RP1: variants seen among roughly 807,000 people sequenced by gnomAD.
RP1 encodes the protein oxygen-regulated protein 1.
In RP1, 16 loss-of-function variants were observed where a neutral mutation model predicts 14.8. That is an observed-to-expected ratio of 1.08 (90% CI 0.73 to 1.65). The LOEUF (loss-of-function observed/expected upper bound fraction) is 1.65, where lower values mean the gene tolerates loss of function less well. RP1 is among the 40% of genes most tolerant of loss of function. RP1 has a pLI of 0.00. For synonymous variants in RP1, 876 were observed against 883.6 expected, an observed-to-expected ratio of 0.99 and a Z score of 0.15; for missense variants, 2,631 against 2,535.0, an observed-to-expected ratio of 1.04 and a Z score of -0.81.
At chr8:54,766,617 A>AT (rs2129372744) in intron 22 of RP1, among the ~76,000 whole-genome samples, 1 of 152,328 alleles carries the variant, frequency 6.6e-6, no homozygotes, top group South Asian at 2.1e-4. Context: ...TGTGCCAAAT[A>AT]TAAAATATAT....
At chr8:54,830,992 C>G (rs935245560) in intron 24 of RP1, among the ~76,000 whole-genome samples, 1 of 152,036 alleles carries the variant, frequency 6.6e-6, no homozygotes, top group Non-Finnish European at 1.5e-5. Context: ...CCCTTAGCAT[C>G]ATGTTTTTTG....
chr8:54,616,079 A>T (rs971284710), upstream of RP1: 2 of 152,248 alleles, frequency 1.3e-5, no homozygotes, highest in African/African-American at 4.8e-5. Context: ...CATACTGAGA[A>T]TAAATCCAAA....
chr8:54,600,806 T>A (rs746459834), intron 1 of RP1, among the ~76,000 whole-genome samples: 1 of 152,210 alleles, frequency 6.6e-6, no homozygotes, highest in Admixed American at 6.5e-5. Flanking sequence ...GTGACTTTCA[T>A]TGGAGCATTT....
intron 3 of RP1, among the ~76,000 whole-genome samples, chr8:54,646,587 C>T (rs1056849680): frequency 1.3e-5 from 2 of 152,104 alleles, no homozygotes; most frequent in African/African-American, 2.4e-5. Context: ...GATGAATCTT[C>T]GTTCATGATC....
At chr8:54,606,688 C>A (rs866742731) in intron 1 of RP1, among the ~76,000 whole-genome samples, 2 of 152,190 alleles carry the variant, frequency 1.3e-5, no homozygotes, top group African/African-American at 4.8e-5. Context: ...ACCAATCAGA[C>A]GTAGATTTGG....
chr8:54,643,265 GT>G (rs1235730188), intron 3 of RP1, among the ~76,000 whole-genome samples: 3 of 152,116 alleles, frequency 2.0e-5, no homozygotes, highest in Non-Finnish European at 4.4e-5. Flanking sequence ...AATGTGATGA[GT>G]TTTAACAGTT....
intron 12 of RP1, among the ~76,000 whole-genome samples, chr8:54,695,003 G>C (rs1363846557): frequency 6.6e-6 from 1 of 152,062 alleles, no homozygotes; most frequent in Non-Finnish European, 1.5e-5. Flanking sequence ...GTGTCCCAGA[G>C]ATTCTGGTAT....
At chr8:54,773,536 C>T (rs976296553), downstream of RP1, among the ~76,000 whole-genome samples, 3 of 152,108 alleles carry the variant, frequency 2.0e-5, no homozygotes, top group Non-Finnish European at 4.4e-5. Flanking sequence ...ACTAGGGAAG[C>T]TGAGGCAGGA....
intron 11 of RP1, chr8:54,679,796 CT>C: frequency 2.6e-6 from 4 of 1,533,990 alleles, no homozygotes; most frequent in East Asian, 2.4e-5. Context: ...CTTTGTTTTT[CT>C]TTTTAGTGGA....
At chr8:54,573,014 T>C (rs146390403) in intron 1 of RP1, among the ~76,000 whole-genome samples, 12 of 152,318 alleles carry the variant, frequency 7.9e-5, no homozygotes, top group African/African-American at 2.9e-4. Context: ...AAAATCTTAC[T>C]AATAATAGTG....
intron 25 of RP1, among the ~76,000 whole-genome samples, chr8:54,849,375 A>T (rs552030672): frequency 4.6e-5 from 7 of 152,170 alleles, no homozygotes; most frequent in African/African-American, 1.7e-4. Flanking sequence ...GCTTGGACAA[A>T]TTTTTTGCAC....
intron 17 of RP1, among the ~76,000 whole-genome samples, chr8:54,732,694 A>T (rs1808823161): frequency 6.6e-6 from 1 of 152,206 alleles, no homozygotes. Flanking sequence ...CTGGTAATGC[A>T]ATTGCCTGGG....
At chr8:54,830,203 T>A (rs1361665127) in intron 24 of RP1, among the ~76,000 whole-genome samples, 1 of 152,138 alleles carries the variant, frequency 6.6e-6, no homozygotes, top group Non-Finnish European at 1.5e-5. Flanking sequence ...GTTTTTAAGC[T>A]CTATTAGTAG....
intron 19 of RP1, among the ~76,000 whole-genome samples, chr8:54,750,625 G>A (rs1809338208): frequency 6.6e-6 from 1 of 152,158 alleles, no homozygotes; most frequent in South Asian, 2.1e-4. Context: ...ACCAATCAGT[G>A]CTCTGTAGCT....
At chr8:54,812,762 CATCT>C (rs58007600) in intron 24 of RP1, among the ~76,000 whole-genome samples, 14,015 of 145,180 alleles carry the variant, frequency 0.097, 692 homozygotes, top group Admixed American at 0.12. Flanking sequence ...ATCTATCTAT[CATCT>C]ATCTATCTAT....
chr8:54,776,203 GGTTA>G (rs1314240318), intron 23 of RP1, among the ~76,000 whole-genome samples: 5 of 152,044 alleles, frequency 3.3e-5, no homozygotes, highest in Admixed American at 6.6e-5. Context: ...GTTTTTGTTT[GGTTA>G]GTTTATTTTT....
chr8:54,626,354 CA>C lies in RP1; in HGVS notation c.2473del (p.Ile825SerfsTer23). 1 of 1,613,460 alleles carries C rather than the reference CA, an allele frequency of 6.2e-7. No individual in the cohort carries two copies. Among genetic ancestry groups the C allele is most frequent in the Non-Finnish European group, 8.5e-7 (1 of 1,179,832 alleles). On this transcript the variant is annotated frameshift_variant, in exon 4 of 4. Coordinates refer to ENST00000220676, the MANE Select transcript of RP1 (RefSeq NM_006269.2). LOFTEE classifies it low-confidence loss of function (END_TRUNC). The stretch of plus-strand genomic sequence containing the variant: ...ACAAAAGTTTATTTCATGTATTTAA[CA>C]TCCTTGAGCAAAAACCCAAAGATTT... ...ENKSLFHVFN[I>X]LEQKPKDFYA...
At position 54,828,882 on chromosome 8, in the gene RP1, C is replaced by CTTTTTT. The variant is rs201534661; in HGVS notation, c.3616-8546_3616-8541dup. 5.1e-3 allele frequency among the ~76,000 whole-genome samples: 426 copies of CTTTTTT among 83,950 alleles called. 7 individuals are homozygous for CTTTTTT. Among genetic ancestry groups the CTTTTTT allele is most frequent in the East Asian group, 6.1e-3 (20 of 3,292 alleles). The allele number at this position is 83,950 out of a possible 152,430, so 55.1% of individuals were successfully genotyped here. ...TTCTTTCTTCTTTCTTCTTCTTCTT[C>CTTTTTT]TTTTTTTTTTTTTTTTTTTTTTTTT... On this transcript the variant is annotated intron_variant, in intron 24 of 28. Coordinates refer to the RP1 transcript ENST00000637698.
chr8:54,607,217 G>A (rs1280735604), intron 1 of RP1, among the ~76,000 whole-genome samples: 2 of 152,124 alleles, frequency 1.3e-5, no homozygotes, highest in South Asian at 2.1e-4. Context: ...AACAGATGGG[G>A]TTTTGGTGTG....
Sources: gnomAD v4.1 joint callset for allele counts (sites outside exome capture counted in the v4.1 genomes callset) on GRCh38, gnomAD v4.1.1 for gene constraint, MANE v1.5 for transcripts, NCBI Gene and HGNC (gene_info 2026-07-23, HGNC 2026-07-21) for gene names.